Variants in SLC4A4 observed in about 807,000 individuals in gnomAD.
SLC4A4 encodes the protein solute carrier family 4 member 4.
A neutral mutation model predicts 111.5 loss-of-function variants in SLC4A4; 27 were observed. The ratio of observed to expected loss-of-function variants is 0.24; its 90% CI spans 0.18 to 0.33. The LOEUF (loss-of-function observed/expected upper bound fraction) is 0.33, where lower values mean the gene tolerates loss of function less well. SLC4A4 is among the 10% of genes least tolerant of loss of function. The pLI, the probability that SLC4A4 is intolerant of heterozygous loss-of-function variation, is 1.00. For synonymous variants in SLC4A4, 443 were observed against 463.4 expected, an observed-to-expected ratio of 0.96 and a Z score of 0.57; for missense variants, 909 against 1,315.5, an observed-to-expected ratio of 0.69 and a Z score of 4.78.
At chr4:71,191,885 A>C (rs1467508763) in intron 1 of SLC4A4, among the ~76,000 whole-genome samples, 1 of 152,188 alleles carries the variant, frequency 6.6e-6, no homozygotes, top group Non-Finnish European at 1.5e-5. Flanking sequence ...ATACTCCTTG[A>C]CTTGAATTTA....
At chr4:71,467,564 G>A (rs1325143545) in intron 13 of SLC4A4, among the ~76,000 whole-genome samples, 1 of 152,064 alleles carries the variant, frequency 6.6e-6, no homozygotes, top group African/African-American at 2.4e-5. Flanking sequence ...ACAAGTCATC[G>A]GTGGGGCTGG....
At chr4:71,452,679 G>T (rs1462542658) in intron 11 of SLC4A4, among the ~76,000 whole-genome samples, 1 of 152,072 alleles carries the variant, frequency 6.6e-6, no homozygotes, top group Non-Finnish European at 1.5e-5. Context: ...TGGTTGGGAG[G>T]GTGAGTAGAC....
At chr4:71,384,511 C>T (rs1439166620) in intron 6 of SLC4A4, among the ~76,000 whole-genome samples, 13 of 151,714 alleles carry the variant, frequency 8.6e-5, no homozygotes, top group Admixed American at 5.9e-4. Context: ...TGGCCTTTTC[C>T]CAAGTCATGT....
At chr4:71,519,560 T>C (rs767189958) in intron 16 of SLC4A4, among the ~76,000 whole-genome samples, 1 of 152,192 alleles carries the variant, frequency 6.6e-6, no homozygotes, top group African/African-American at 2.4e-5. Flanking sequence ...CATCCTCCCT[T>C]ATACCCCAAC....
intron 1 of SLC4A4, among the ~76,000 whole-genome samples, chr4:71,091,148 A>G (rs1367475838): frequency 1.3e-5 from 2 of 151,838 alleles, no homozygotes; most frequent in African/African-American, 2.4e-5. Context: ...AGGTTTCACC[A>G]TGTTGGCCAG....
At chr4:71,346,541 C>A (rs1184009036) in intron 4 of SLC4A4, among the ~76,000 whole-genome samples, 2 of 150,190 alleles carry the variant, frequency 1.3e-5, no homozygotes, top group African/African-American at 4.9e-5. Flanking sequence ...TTTTTTTAAA[C>A]GTAATTGCAT....
chr4:71,126,296 T>C (rs1335569198), intron 2 of SLC4A4, among the ~76,000 whole-genome samples: 1 of 152,208 alleles, frequency 6.6e-6, no homozygotes, highest in African/African-American at 2.4e-5. Flanking sequence ...TAAAAATTGC[T>C]GTTATTTTGT....
chr4:71,293,182 T>G (rs1282280038), intron 3 of SLC4A4, among the ~76,000 whole-genome samples: 1 of 151,426 alleles, frequency 6.6e-6, no homozygotes, highest in Admixed American at 6.6e-5. Flanking sequence ...AGGCAAAATA[T>G]GAAACTTGAC....
intron 2 of SLC4A4, among the ~76,000 whole-genome samples, chr4:71,243,852 T>G (rs1720432402): frequency 6.6e-6 from 1 of 152,138 alleles, no homozygotes; most frequent in Non-Finnish European, 1.5e-5. Context: ...ATTCTGTTGA[T>G]TTTTGGAAGA....
chr4:71,466,373 T>G, intron 12 of SLC4A4, 71 bp from the exon 13 acceptor site: 1 of 1,571,546 alleles, frequency 6.4e-7, no homozygotes, highest in Non-Finnish European at 8.7e-7. Flanking sequence ...TGGCTTTATT[T>G]GCCTAGTGAC....
chr4:71,426,810 G>C (rs1723184378), intron 7 of SLC4A4, among the ~76,000 whole-genome samples: 1 of 152,096 alleles, frequency 6.6e-6, no homozygotes, highest in Non-Finnish European at 1.5e-5. Flanking sequence ...TACCAACTCA[G>C]ACATAGCTTG....
intron 4 of SLC4A4, among the ~76,000 whole-genome samples, chr4:71,345,433 A>G (rs1383300352): frequency 6.6e-6 from 1 of 152,098 alleles, no homozygotes; most frequent in African/African-American, 2.4e-5. Flanking sequence ...CCACTGTTGT[A>G]TGAATGTTTG....
intron 1 of SLC4A4, 85 bp downstream of exon 1, chr4:71,187,486 A>G (rs1333402522): frequency 6.6e-6 from 1 of 152,216 alleles, no homozygotes. Flanking sequence ...CCGGGGGCCG[A>G]TTCCGTAGGG....
chr4:71,545,927 G>C (rs369751343), intron 18 of SLC4A4, among the ~76,000 whole-genome samples: 1 of 152,116 alleles, frequency 6.6e-6, no homozygotes, highest in African/African-American at 2.4e-5. Context: ...CATTTATTAA[G>C]CACCTATGAC....
intron 2 of SLC4A4, among the ~76,000 whole-genome samples, chr4:71,139,989 T>C (rs939787279): frequency 6.6e-6 from 1 of 152,194 alleles, no homozygotes; most frequent in Non-Finnish European, 1.5e-5. Context: ...ACTATCTCTC[T>C]TAATCCTCTC....
Position 71,294,821 on chromosome 4 carries a change from G to A in SLC4A4, c.253+39422G>A, listed in dbSNP as rs1479728478. On this transcript the variant is annotated intron_variant, in intron 3 of 25. Coordinates refer to ENST00000264485, the MANE Select transcript of SLC4A4 (RefSeq NM_001098484.3). ...CTTCTGCTAGTGATATGTAAAGAAT[G>A]AATGGTGCCCATAATTGTTATAAAT... Among the ~76,000 whole-genome samples the A allele has an allele frequency of 2.6e-5, 4 of 152,184 alleles. No homozygotes were observed. The East Asian group carries it at 7.7e-4, about 29-fold the overall frequency.
intron 3 of SLC4A4, among the ~76,000 whole-genome samples, chr4:71,295,632 T>C (rs1724726839): frequency 6.6e-6 from 1 of 151,248 alleles, no homozygotes; most frequent in Admixed American, 6.6e-5. Context: ...ATTTCTTCCT[T>C]TCCTCTCCTC....
At chr4:71,235,274 G>C (rs1378295427) in intron 1 of SLC4A4, among the ~76,000 whole-genome samples, 1 of 152,178 alleles carries the variant, frequency 6.6e-6, no homozygotes, top group Non-Finnish European at 1.5e-5. Context: ...TGGTTGCTTT[G>C]TGAGATGGAT....
intron 3 of SLC4A4, among the ~76,000 whole-genome samples, chr4:71,274,923 G>A (rs7654006): frequency 4.5e-4 from 68 of 152,150 alleles, no homozygotes; most frequent in African/African-American, 1.6e-3. Context: ...AAAACAGAGA[G>A]GAAATAAATG....
Sources: allele counts gnomAD v4.1 joint callset (sites outside exome capture counted in the v4.1 genomes callset), GRCh38; gene constraint gnomAD v4.1.1; transcripts MANE v1.5; gene names NCBI Gene and HGNC (gene_info 2026-07-23, HGNC 2026-07-21).